The following CXCR5 variants were observed in gnomAD, a reference collection of about 807,000 sequenced individuals.
The protein encoded by CXCR5 is C-X-C motif chemokine receptor 5, also known as C-X-C chemokine receptor type 5.
Under a neutral mutation model 5.6 loss-of-function variants are expected in CXCR5, and 3 were observed. The observed-to-expected ratio is 0.54, with a 90% CI of 0.24 to 1.39. The LOEUF (loss-of-function observed/expected upper bound fraction) is 1.39, where lower values mean the gene tolerates loss of function less well. Ranked by LOEUF, CXCR5 falls within the 40% of genes most tolerant of loss-of-function variation. The pLI, the probability that CXCR5 is intolerant of heterozygous loss-of-function variation, is 0.16. For synonymous variants in CXCR5, 218 were observed against 219.9 expected, an observed-to-expected ratio of 0.99 and a Z score of 0.08; for missense variants, 333 against 494.6, an observed-to-expected ratio of 0.67 and a Z score of 3.10.
chr11:118,890,105 C>T (rs555593047), intron 1 of CXCR5, among the ~76,000 whole-genome samples: 61 of 152,200 alleles, frequency 4.0e-4, no homozygotes, highest in South Asian at 2.1e-3. Context: ...TGCTCAGTGA[C>T]GGTATTGGAA....
chr11:118,897,745 G>A lies in CXCR5; in HGVS notation c.*3082G>A, dbSNP rs1292881674. ...CAATAACTTGAAGAAGGGGGGAAGG[G>A]TTTCTTTTATCCTTTTTTTTTTGTG... is the stretch of plus-strand genomic sequence containing the variant. On this transcript the variant is annotated 3_prime_UTR_variant, in exon 2 of 2. Transcript: ENST00000292174. The A allele has an allele frequency of 2.2e-6, 1 of 444,448 alleles. No individual in the cohort carries two copies. Among genetic ancestry groups the A allele is most frequent in the East Asian group, 7.0e-5 (1 of 14,352 alleles). The allele number at this position is 444,448 out of a possible 1,614,324, so 27.5% of individuals were successfully genotyped here. A position where few individuals can be genotyped will look rare whatever the true frequency, so the allele number is the denominator to read the frequency against.
Position 118,893,829 on chromosome 11 carries a change from G to A in CXCR5, c.285G>A (p.Val95=). The part of the protein sequence containing the change: ...STETFLFHLA[V]ADLLLVFILP... Reference sequence around the variant, plus strand: ...AGACCTTCCTGTTCCACCTGGCCGTGGCCGACCTCCTGCTGGTCTTCATCT... The same window carrying A: ...AGACCTTCCTGTTCCACCTGGCCGTAGCCGACCTCCTGCTGGTCTTCATCT... The change falls in exon 2 of 2, where the codon GTG becomes GTA. Residue 95 remains valine, a synonymous_variant. Coordinates refer to ENST00000292174, the MANE Select transcript of CXCR5 (RefSeq NM_001716.5). This position sits in a 1 kb window ranked among gnomAD's most constrained non-coding sequence, Gnocchi z 5.7. 1.2e-6 allele frequency: 2 copies of A among 1,614,144 alleles called. No individual in the cohort carries two copies. Among genetic ancestry groups the A allele is most frequent in the Non-Finnish European group, 1.7e-6 (2 of 1,180,028 alleles).
chr11:118,885,581 C>T (rs1939698502), intron 1 of CXCR5, among the ~76,000 whole-genome samples: 1 of 152,236 alleles, frequency 6.6e-6, no homozygotes, highest in Non-Finnish European at 1.5e-5. Context: ...GCGTCTTCCT[C>T]TGCCTGCAGC....
intron 1 of CXCR5, among the ~76,000 whole-genome samples, chr11:118,889,901 G>A (rs1591965738): frequency 6.6e-6 from 1 of 152,336 alleles, no homozygotes; most frequent in Non-Finnish European, 1.5e-5. Flanking sequence ...AAGAACTTGT[G>A]TGGAGGACAA....
chr11:118,888,209 T>C (rs938474897), intron 1 of CXCR5, among the ~76,000 whole-genome samples: 3 of 152,148 alleles, frequency 2.0e-5, no homozygotes, highest in African/African-American at 7.2e-5. Flanking sequence ...CAAACGTTCC[T>C]CTCCTTCCTA....
rs138037598 is a variant in CXCR5 at position 118,890,771 on chromosome 11, G to A, written c.52-2825G>A. 5.2e-4 allele frequency among the ~76,000 whole-genome samples: 79 copies of A among 152,340 alleles called. 1 individual carries two copies. In the East Asian group the frequency reaches 0.011, roughly 22 times the overall value. On this transcript the variant is annotated intron_variant, in intron 1 of 1. Coordinates refer to ENST00000292174, the MANE Select transcript of CXCR5 (RefSeq NM_001716.5). The stretch of plus-strand genomic sequence containing the variant: ...ACCATTTTCTTCAATGAAAGCTTAT[G>A]TGTGAAGCACTGCACAAGTCAAAAG...
At position 118,884,099 on chromosome 11, in the gene CXCR5, G is replaced by A. The variant is rs1186837181; in HGVS notation, c.51+107G>A. The A allele has an allele frequency of 3.6e-6, 4 of 1,125,990 alleles. No homozygotes were observed. In the Admixed American group the frequency reaches 5.9e-5, roughly 17 times the overall value. The allele number at this position is 1,125,990 out of a possible 1,614,324, so 69.7% of individuals were successfully genotyped here. On this transcript the variant is annotated intron_variant, in intron 1 of 1. Transcript: ENST00000292174. ...GACAGTGTGGGAATCCTCTCCCACT[G>A]TGGATCTGTAAAATCTAGACAGGTC...
At chr11:118,890,057 G>C (rs1301288639) in intron 1 of CXCR5, among the ~76,000 whole-genome samples, 1 of 152,176 alleles carries the variant, frequency 6.6e-6, no homozygotes, top group Non-Finnish European at 1.5e-5. Flanking sequence ...TTGGCTCTGC[G>C]TGAAGACTGC....
intron 1 of CXCR5, chr11:118,886,808 C>A (rs1939721315): frequency 5.7e-6 from 1 of 176,232 alleles, no homozygotes; most frequent in Admixed American, 5.4e-5. Context: ...AGCCCCAGAG[C>A]CTGGCTTTCT....
Position 118,893,392 on chromosome 11 carries a change from C to T in CXCR5, c.52-204C>T. 1 of 985,400 alleles carries T rather than the reference C, an allele frequency of 1.0e-6. No homozygotes were observed. Among genetic ancestry groups the T allele is most frequent in the South Asian group, 4.7e-5 (1 of 21,288 alleles). 61.0% of individuals were successfully genotyped at this position (985,400 alleles called of 1,614,324 possible). A position where few individuals can be genotyped will look rare whatever the true frequency, so the allele number is the denominator to read the frequency against. On this transcript the variant is annotated intron_variant, in intron 1 of 1. Coordinates refer to ENST00000292174, the MANE Select transcript of CXCR5 (RefSeq NM_001716.5). The surrounding 1 kb of genome is among the most constrained non-coding windows in gnomAD (Gnocchi z 5.7). Reference sequence around the variant, plus strand: ...CGCACGCCTCCCTTCATCAGCACCACCACTCTAAGGAATGCGGTCCCTTTG... The same window carrying T: ...CGCACGCCTCCCTTCATCAGCACCATCACTCTAAGGAATGCGGTCCCTTTG...
At chr11:118,886,980 G>C (rs937650227) in intron 1 of CXCR5, 1 of 152,750 alleles carries the variant, frequency 6.5e-6, no homozygotes, top group African/African-American at 2.4e-5. Flanking sequence ...TCATCTAGGG[G>C]AAAGGGAGGT....
At position 118,893,918 on chromosome 11, in the gene CXCR5, T is replaced by C. The variant is rs1939853903; in HGVS notation, c.374T>C (p.Val125Ala). 2.5e-6 allele frequency: 4 copies of C among 1,614,014 alleles called. No individual in the cohort carries two copies. Among genetic ancestry groups the C allele is most frequent in the Non-Finnish European group, 3.4e-6 (4 of 1,180,012 alleles). ...CTGGGGACCTTCCTCTGCAAAACTG[T>C]GATTGCCCTGCACAAAGTCAACTTC... ...WVLGTFLCKT[V>A]IALHKVNFYC... Residue 125 changes from valine to alanine, a missense_variant, in exon 2 of 2, where the codon GTG becomes GCG. Transcript: ENST00000292174. The surrounding 1 kb of genome is among the most constrained non-coding windows in gnomAD (Gnocchi z 5.7).
At chr11:118,886,442 G>A (rs921559216) in intron 1 of CXCR5, 10 of 426,292 alleles carry the variant, frequency 2.3e-5, no homozygotes, top group South Asian at 3.4e-5. Flanking sequence ...AGACCAACTC[G>A]AGCCGCTTAA....
intron 1 of CXCR5, among the ~76,000 whole-genome samples, chr11:118,889,361 T>C (rs1235394354): frequency 3.3e-5 from 5 of 152,208 alleles, no homozygotes; most frequent in African/African-American, 1.2e-4. Context: ...GTCAAGAGTG[T>C]GTGTGTGCAC....
At position 118,893,289 on chromosome 11, in the gene CXCR5, G is replaced by A. The variant is rs544490735; in HGVS notation, c.52-307G>A. The A allele has an allele frequency of 1.6e-6, 1 of 634,822 alleles. No individual in the cohort carries two copies. The highest frequency in any genetic ancestry group is 1.4e-4 in the East Asian group (1 of 7,200). The allele number at this position is 634,822 out of a possible 1,614,324, so 39.3% of individuals were successfully genotyped here. On this transcript the variant is annotated intron_variant, in intron 1 of 1. Coordinates refer to ENST00000292174, the MANE Select transcript of CXCR5 (RefSeq NM_001716.5). The surrounding 1 kb of genome is among the most constrained non-coding windows in gnomAD (Gnocchi z 5.7). ...GTGACTCCAGCCGCCAAGGCTGCAGGCTTCCGTACATGAGGACCCAAAAAC... is the reference window on the plus strand; with the variant it reads ...GTGACTCCAGCCGCCAAGGCTGCAGACTTCCGTACATGAGGACCCAAAAAC...
At chr11:118,892,400 AC>A (rs1939824897) in intron 1 of CXCR5, among the ~76,000 whole-genome samples, 1 of 151,876 alleles carries the variant, frequency 6.6e-6, no homozygotes, top group African/African-American at 2.4e-5. Context: ...CCATTAAGCC[AC>A]CCGGAGCCTG....
chr11:118,893,859 C>T lies in CXCR5; in HGVS notation c.315C>T (p.Pro105=). Residue 105 remains proline (P), a synonymous_variant, in exon 2 of 2, where the codon CCC becomes CCT. Coordinates refer to ENST00000292174, the MANE Select transcript of CXCR5 (RefSeq NM_001716.5). This position sits in a 1 kb window ranked among gnomAD's most constrained non-coding sequence, Gnocchi z 5.7. ...ACCTCCTGCTGGTCTTCATCTTGCC[C>T]TTTGCCGTGGCCGAGGGCTCTGTGG... The part of the protein sequence containing the change: ...VADLLLVFIL[P]FAVAEGSVGW... 1 of 1,614,120 alleles carries T rather than the reference C, an allele frequency of 6.2e-7. No homozygotes were observed. The highest frequency in any genetic ancestry group is 8.5e-7 in the Non-Finnish European group (1 of 1,180,050).
Position 118,894,669 on chromosome 11 carries a change from A to G in CXCR5, c.*6A>G. On this transcript the variant is annotated 3_prime_UTR_variant, in exon 2 of 2. Transcript: ENST00000292174. This position sits in a 1 kb window ranked among gnomAD's most constrained non-coding sequence, Gnocchi z 6.1. ...CCTCTCTCACCACGTTCTAGGTCCC[A>G]GTGTCCCCTTTTATTGCTGCTTTTC... 2.0e-6 allele frequency: 3 copies of G among 1,507,498 alleles called. No individual in the cohort carries two copies. The highest frequency in any genetic ancestry group is 1.4e-5 in the South Asian group (1 of 72,888). The allele number at this position is 1,507,498 out of a possible 1,614,324, so 93.4% of individuals were successfully genotyped here.
rs202193384 is a variant in CXCR5 at position 118,893,776 on chromosome 11, C to T, written c.232C>T (p.Arg78Trp). 2.6e-5 allele frequency: 42 copies of T among 1,614,102 alleles called. No individual in the cohort carries two copies. The highest frequency in any genetic ancestry group is 3.2e-5 in the Non-Finnish European group (38 of 1,179,980). ...GNVLVLVILE[R>W]HRQTRSSTET... The stretch of plus-strand genomic sequence containing the variant: ...CGTCCTGGTGCTGGTGATCCTGGAG[C>T]GGCACCGGCAGACACGCAGTTCCAC... Residue 78 changes from arginine to tryptophan, a missense_variant, in exon 2 of 2, where the codon CGG becomes TGG. Coordinates refer to ENST00000292174, the MANE Select transcript of CXCR5 (RefSeq NM_001716.5). This position sits in a 1 kb window ranked among gnomAD's most constrained non-coding sequence, Gnocchi z 5.7.
Sources: allele counts gnomAD v4.1 joint callset (sites outside exome capture counted in the v4.1 genomes callset), GRCh38; gene constraint gnomAD v4.1.1; non-coding constraint Gnocchi (gnomAD v3.1); transcripts MANE v1.5; gene names NCBI Gene and HGNC (gene_info 2026-07-23, HGNC 2026-07-21).